The following GABRG3 variants were observed in gnomAD, a reference collection of about 807,000 sequenced individuals.
The protein encoded by GABRG3 is gamma-aminobutyric acid type A receptor subunit gamma3.
A neutral mutation model predicts 48.8 loss-of-function variants in GABRG3; 25 were observed. The ratio of observed to expected loss-of-function variants is 0.51; its 90% confidence interval spans 0.37 to 0.72. The LOEUF (loss-of-function observed/expected upper bound fraction) is 0.72, where lower values mean the gene tolerates loss of function less well. Ranked by LOEUF, GABRG3 falls within the 30% of genes least tolerant of loss-of-function variation. GABRG3 has a pLI of 0.00. For missense variants in GABRG3, 394 were observed against 577.9 expected, an observed-to-expected ratio of 0.68 and a Z score of 3.26; for synonymous variants, 227 against 217.6, an observed-to-expected ratio of 1.04 and a Z score of -0.38.
intron 3 of GABRG3, among the ~76,000 whole-genome samples, chr15:27,304,642 T>G (rs1292027608): frequency 6.6e-6 from 1 of 151,916 alleles, no homozygotes; most frequent in Non-Finnish European, 1.5e-5. Context: ...TTGTAAAATC[T>G]CCTTCTCTGC....
At chr15:27,168,890 T>A (rs1329767708) in intron 3 of GABRG3, among the ~76,000 whole-genome samples, 1 of 152,228 alleles carries the variant, frequency 6.6e-6, no homozygotes, top group Non-Finnish European at 1.5e-5. Context: ...AGAAAACCAT[T>A]CTAGCCAAGT....
intron 3 of GABRG3, among the ~76,000 whole-genome samples, chr15:27,146,525 A>G (rs982055111): frequency 1.3e-5 from 2 of 152,108 alleles, no homozygotes; most frequent in African/African-American, 4.8e-5. Flanking sequence ...TCCTCCCTCA[A>G]TATTTTTATT....
intron 6 of GABRG3, among the ~76,000 whole-genome samples, chr15:27,484,169 C>T (rs2150846348): frequency 6.6e-6 from 1 of 152,320 alleles, no homozygotes; most frequent in East Asian, 1.9e-4. Context: ...CTCCTGACCT[C>T]AGGTGGTCCA....
rs1339793991 is a variant in GABRG3 at position 27,179,262 on chromosome 15, CGCGT to C, written c.271-147545_271-147542del. 6.6e-6 allele frequency among the ~76,000 whole-genome samples: 1 copy of C among 152,148 alleles called. No homozygotes were observed. The highest frequency in any genetic ancestry group is 2.4e-5 in the African/African-American group (1 of 41,426). On this transcript the variant is annotated intron_variant, in intron 3 of 9. Coordinates refer to ENST00000615808, the MANE Select transcript of GABRG3 (RefSeq NM_033223.5). The surrounding 1 kb of genome is among the most constrained non-coding windows in gnomAD (Gnocchi z 4.0). ...GTGATTTGCCATTTCAAACATGCCCCGCGTGGCAATCCACCTTCCCCTCAGGAGC... is the reference window on the plus strand; with the variant it reads ...GTGATTTGCCATTTCAAACATGCCCCGGCAATCCACCTTCCCCTCAGGAGC...
intron 3 of GABRG3, among the ~76,000 whole-genome samples, chr15:27,156,878 C>T (rs1044305781): frequency 6.6e-6 from 1 of 152,128 alleles, no homozygotes; most frequent in Non-Finnish European, 1.5e-5. Context: ...TATTTGCCAC[C>T]ACTGATTTCT....
At chr15:27,152,421 AACTTT>A (rs1357651983) in intron 3 of GABRG3, among the ~76,000 whole-genome samples, 1 of 152,176 alleles carries the variant, frequency 6.6e-6, no homozygotes, top group African/African-American at 2.4e-5. Context: ...TCATTCTTCC[AACTTT>A]ACTTTTTAAA....
chr15:27,054,114 C>G (rs1302674358), intron 3 of GABRG3, among the ~76,000 whole-genome samples: 2 of 152,088 alleles, frequency 1.3e-5, no homozygotes, highest in East Asian at 3.9e-4. Context: ...TAGCACGCAC[C>G]TGTAATCCCA....
chr15:27,395,637 T>G (rs1451845068), intron 5 of GABRG3, among the ~76,000 whole-genome samples: 1 of 152,156 alleles, frequency 6.6e-6, no homozygotes, highest in African/African-American at 2.4e-5. Context: ...AGATAGTCTT[T>G]TCAACAAATA....
intron 3 of GABRG3, among the ~76,000 whole-genome samples, chr15:27,288,299 G>A (rs933000459): frequency 2.0e-5 from 3 of 151,980 alleles, no homozygotes; most frequent in Non-Finnish European, 2.9e-5. Context: ...TACATTCATT[G>A]TGTACTTTAT....
At position 26,999,131 on chromosome 15, in the gene GABRG3, GA is replaced by G. The variant is rs531382705; in HGVS notation, c.202+21993del. Reference sequence around the variant, plus strand: ...AACCAACCATGGGTAGAAAATATTTGAAAAAAAAAAAACACAATGAAAAATA... The same window carrying G: ...AACCAACCATGGGTAGAAAATATTTGAAAAAAAAAAACACAATGAAAAATA... On this transcript the variant is annotated intron_variant, in intron 2 of 9. Coordinates refer to ENST00000615808, the MANE Select transcript of GABRG3 (RefSeq NM_033223.5). Among the ~76,000 whole-genome samples the G allele has an allele frequency of 4.9e-3, 468 of 95,496 alleles. 3 individuals carry two copies. The highest frequency in any genetic ancestry group is 0.015 in the African/African-American group (394 of 26,216). 62.6% of individuals were successfully genotyped at this position (95,496 alleles called of 152,430 possible). A position where few individuals can be genotyped will look rare whatever the true frequency, so the allele number is the denominator to read the frequency against.
intron 5 of GABRG3, among the ~76,000 whole-genome samples, chr15:27,333,135 G>T (rs1446972570): frequency 6.6e-6 from 1 of 152,104 alleles, no homozygotes; most frequent in East Asian, 1.9e-4. Context: ...GGCCATAATT[G>T]TGTATTTAGT....
At chr15:27,356,569 GA>G (rs1385937168) in intron 5 of GABRG3, among the ~76,000 whole-genome samples, 3 of 152,120 alleles carry the variant, frequency 2.0e-5, no homozygotes, top group Non-Finnish European at 2.9e-5. Flanking sequence ...CTATACACAA[GA>G]GAAACTCTAG....
rs59658916 is a variant in GABRG3 at position 27,293,690 on chromosome 15, C to A, written c.271-33119C>A. Among the ~76,000 whole-genome samples the A allele has an allele frequency of 6.7e-3, 926 of 137,838 alleles. 25 individuals are homozygous for A. In the East Asian group the frequency reaches 0.094, roughly 14 times the overall value. The allele number at this position is 137,838 out of a possible 152,430, so 90.4% of individuals were successfully genotyped here. On this transcript the variant is annotated intron_variant, in intron 3 of 9. Transcript: ENST00000615808. The stretch of plus-strand genomic sequence containing the variant: ...GAGATTCTGTCTCAAAAAAAACAAA[C>A]AAAAAAAAAAACAGAACAAAACTGG...
At chr15:27,367,655 C>T (rs1595708371) in intron 5 of GABRG3, among the ~76,000 whole-genome samples, 1 of 152,126 alleles carries the variant, frequency 6.6e-6, no homozygotes, top group Non-Finnish European at 1.5e-5. Flanking sequence ...AGTATCTGTA[C>T]ATATTAAAGT....
At chr15:27,497,646 C>G (rs373864381) in intron 6 of GABRG3, among the ~76,000 whole-genome samples, 1 of 152,118 alleles carries the variant, frequency 6.6e-6, no homozygotes, top group Non-Finnish European at 1.5e-5. Flanking sequence ...TTTTAATTGG[C>G]AGATTTGGTG....
intron 5 of GABRG3, among the ~76,000 whole-genome samples, chr15:27,405,408 A>G (rs1439855920): frequency 6.6e-6 from 1 of 152,210 alleles, no homozygotes; most frequent in African/African-American, 2.4e-5. Context: ...GATTGGAAAC[A>G]TTTTGAAGAT....
At chr15:27,092,862 C>T (rs1380094620) in intron 3 of GABRG3, among the ~76,000 whole-genome samples, 13 of 151,942 alleles carry the variant, frequency 8.6e-5, no homozygotes, top group Admixed American at 8.5e-4. Context: ...CCCTGCAGCC[C>T]CACATAATTA....
At chr15:27,510,189 TGTGG>T (rs1890862574) in intron 6 of GABRG3, among the ~76,000 whole-genome samples, 1 of 152,120 alleles carries the variant, frequency 6.6e-6, no homozygotes. Flanking sequence ...GCTTGTTGCG[TGTGG>T]GTGGTTGGAT....
At chr15:27,361,121 G>C (rs1370364691) in intron 5 of GABRG3, among the ~76,000 whole-genome samples, 1 of 152,244 alleles carries the variant, frequency 6.6e-6, no homozygotes, top group African/African-American at 2.4e-5. Context: ...CATGGCTGTG[G>C]CGTTTAGCTT....
Sources: gnomAD v4.1 joint callset for allele counts (sites outside exome capture counted in the v4.1 genomes callset) on GRCh38, gnomAD v4.1.1 for gene constraint, Gnocchi (gnomAD v3.1) non-coding constraint, MANE v1.5 for transcripts, NCBI Gene and HGNC (gene_info 2026-07-23, HGNC 2026-07-21) for gene names.